CLK3: variants seen among roughly 807,000 people sequenced by gnomAD.
CLK3 encodes CDC like kinase 3.
CLK3 carries 24 observed loss-of-function variants against 65.2 expected under a neutral mutation model. That is an observed-to-expected ratio of 0.37 (90% CI 0.27 to 0.52). The LOEUF (loss-of-function observed/expected upper bound fraction) is 0.52. Among genes scored for constraint, CLK3 ranks in the 20% least tolerant of loss-of-function variants. CLK3 has a pLI of 0.92. For synonymous variants in CLK3, 252 were observed against 240.8 expected, an observed-to-expected ratio of 1.05 and a Z score of -0.43; for missense variants, 506 against 660.0, an observed-to-expected ratio of 0.77 and a Z score of 2.56.
At chr15:74,628,558 C>A (rs2062162316) in intron 10 of CLK3, 46 bp from the exon 11 acceptor site, 2 of 1,381,214 alleles carry the variant, frequency 1.4e-6, no homozygotes, top group South Asian at 1.2e-5. Flanking sequence ...CTTGAAGGGG[C>A]CAGAGCTAGT....
At chr15:74,609,272 C>T (rs2061953914) in intron 1 of CLK3, among the ~76,000 whole-genome samples, 1 of 152,216 alleles carries the variant, frequency 6.6e-6, no homozygotes, top group African/African-American at 2.4e-5. Context: ...GCCTCTCTGA[C>T]CACCCCAGCC....
At chr15:74,616,811 C>T (rs1400744073) in intron 1 of CLK3, among the ~76,000 whole-genome samples, 1 of 152,220 alleles carries the variant, frequency 6.6e-6, no homozygotes. Context: ...TTCTAGTCAG[C>T]CCAGTTCTCT....
Position 74,624,536 on chromosome 15 carries a change from TGGC to T in CLK3, c.534-365_534-363del. ...CAGGAGGGTTCTCGGTGGGACAGCCTGGCCAGGGTTGGGGCTGCCTGGCCTATA... is the reference window on the plus strand; with the variant it reads ...CAGGAGGGTTCTCGGTGGGACAGCCTCAGGGTTGGGGCTGCCTGGCCTATA... On this transcript the variant is annotated intron_variant, in intron 5 of 12. Transcript: ENST00000395066. This position sits in a 1 kb window ranked among gnomAD's most constrained non-coding sequence, Gnocchi z 4.2. 5 of 192,838 alleles carry T rather than the reference TGGC, an allele frequency of 2.6e-5. No homozygotes were observed. Among genetic ancestry groups the T allele is most frequent in the Admixed American group, 6.1e-5 (1 of 16,342 alleles). The allele number at this position is 192,838 out of a possible 1,614,324, so 11.9% of individuals were successfully genotyped here.
At chr15:74,615,064 T>G, upstream of CLK3, 10 of 203,310 alleles carry the variant, frequency 4.9e-5, no homozygotes, top group East Asian at 1.1e-4. Flanking sequence ...GTGTCAGGGA[T>G]TTTGGTGACC....
At position 74,630,126 on chromosome 15, in the gene CLK3, T is replaced by C; in HGVS notation, c.*243T>C. 1 of 460,930 alleles carries C rather than the reference T, an allele frequency of 2.2e-6. No individual in the cohort carries two copies. Among genetic ancestry groups the C allele is most frequent in the African/African-American group, 1.9e-5 (1 of 51,726 alleles). 28.6% of individuals were successfully genotyped at this position (460,930 alleles called of 1,614,324 possible). A position where few individuals can be genotyped will look rare whatever the true frequency, so the allele number is the denominator to read the frequency against. On this transcript the variant is annotated 3_prime_UTR_variant, in exon 13 of 13. Coordinates refer to ENST00000395066, the MANE Select transcript of CLK3 (RefSeq NM_001130028.2). ...GTTTCTTACTGTTTGTAACCCCTGGTACCAGTGTGTCCATCTCCAGGCTCC... is the reference window on the plus strand; with the variant it reads ...GTTTCTTACTGTTTGTAACCCCTGGCACCAGTGTGTCCATCTCCAGGCTCC...
chr15:74,612,116 G>A (rs928562341), upstream of CLK3, among the ~76,000 whole-genome samples: 1 of 152,244 alleles, frequency 6.6e-6, no homozygotes, highest in Non-Finnish European at 1.5e-5. Flanking sequence ...CTCCTGAGGG[G>A]AAATTGGTGC....
chr15:74,622,832 T>A lies in CLK3; in HGVS notation c.533+272T>A, dbSNP rs1358770781. ...TCCAATCTCTTCACTTCTCCAGGGCTGTGGTGGTGGATATCAGAACAGGGC... is the reference window on the plus strand; with the variant it reads ...TCCAATCTCTTCACTTCTCCAGGGCAGTGGTGGTGGATATCAGAACAGGGC... On this transcript the variant is annotated intron_variant, in intron 5 of 12. Coordinates refer to ENST00000395066, the MANE Select transcript of CLK3 (RefSeq NM_001130028.2). The surrounding 1 kb of genome is among the most constrained non-coding windows in gnomAD (Gnocchi z 4.6). Among the ~76,000 whole-genome samples, 2 of 152,308 alleles carry A rather than the reference T, an allele frequency of 1.3e-5. No individual in the cohort carries two copies. The highest frequency in any genetic ancestry group is 2.1e-4 in the South Asian group (1 of 4,828).
At chr15:74,625,172 T>C (rs1168253584) in intron 6 of CLK3, among the ~76,000 whole-genome samples, 154 bp downstream of exon 6, 1 of 152,106 alleles carries the variant, frequency 6.6e-6, no homozygotes, top group Non-Finnish European at 1.5e-5. Flanking sequence ...GCCTTTAGAC[T>C]GCAGTCCAGT....
rs1390935758 is a variant in CLK3, at chr15:74,622,799, G to A, written c.533+239G>A. ...ACCCAAGAATTGTTGGTCAGTGAAA[G>A]GTTCTGCTCCAATCTCTTCACTTCT... On this transcript the variant is annotated intron_variant, in intron 5 of 12. Transcript: ENST00000395066. The surrounding 1 kb of genome is among the most constrained non-coding windows in gnomAD (Gnocchi z 4.6). Among the ~76,000 whole-genome samples the A allele has an allele frequency of 2.6e-5, 4 of 152,172 alleles. No individual in the cohort carries two copies. The highest frequency in any genetic ancestry group is 2.9e-5 in the Non-Finnish European group (2 of 68,026).
rs754927844 is a variant in CLK3, at chr15:74,622,261, C to A, written c.466+45C>A. The A allele has an allele frequency of 3.2e-6, 5 of 1,571,618 alleles. No individual in the cohort carries two copies. The highest frequency in any genetic ancestry group is 1.7e-5 in the Admixed American group (1 of 59,110). On this transcript the variant is annotated intron_variant, in intron 4 of 12. Coordinates refer to ENST00000395066, the MANE Select transcript of CLK3 (RefSeq NM_001130028.2). The surrounding 1 kb of genome is among the most constrained non-coding windows in gnomAD (Gnocchi z 4.6). ...AACTTTACCTCTCTACTTTCTACCC[C>A]CCTTGTTAGACGAGACCTCTCCTGC...
intron 5 of CLK3, among the ~76,000 whole-genome samples, chr15:74,623,334 T>G (rs1749459081): frequency 6.6e-6 from 1 of 152,246 alleles, no homozygotes; most frequent in Admixed American, 6.5e-5. Flanking sequence ...TGGAGCCACA[T>G]GCCACCCATA....
rs370382489 is a variant in CLK3 at position 74,622,262 on chromosome 15, C to A, written c.466+46C>A. The A allele has an allele frequency of 1.3e-6, 2 of 1,565,682 alleles. No homozygotes were observed. Among genetic ancestry groups the A allele is most frequent in the Non-Finnish European group, 1.8e-6 (2 of 1,141,784 alleles). The stretch of plus-strand genomic sequence containing the variant: ...ACTTTACCTCTCTACTTTCTACCCC[C>A]CTTGTTAGACGAGACCTCTCCTGCC... On this transcript the variant is annotated intron_variant, in intron 4 of 12. Transcript: ENST00000395066. This position sits in a 1 kb window ranked among gnomAD's most constrained non-coding sequence, Gnocchi z 4.6.
At position 74,624,801 on chromosome 15, in the gene CLK3, C is replaced by A. The variant is rs907935898; in HGVS notation, c.534-101C>A. 3.4e-5 allele frequency: 28 copies of A among 817,366 alleles called. No homozygotes were observed. Among genetic ancestry groups the A allele is most frequent in the Admixed American group, 1.8e-4 (9 of 49,540 alleles). 50.6% of individuals were successfully genotyped at this position (817,366 alleles called of 1,614,324 possible). On this transcript the variant is annotated intron_variant, in intron 5 of 12. Transcript: ENST00000395066. This position sits in a 1 kb window ranked among gnomAD's most constrained non-coding sequence, Gnocchi z 4.2. ...TCTGCTCTCTTCAGTGCCGGCTGCT[C>A]CTGGAGTGGTGTTTGTTGGGAGTTG...
At position 74,629,093 on chromosome 15, in the gene CLK3, G is replaced by A. The variant is rs755368014; in HGVS notation, c.1296+61G>A. 4 of 1,264,464 alleles carry A rather than the reference G, an allele frequency of 3.2e-6. No individual in the cohort carries two copies. The South Asian group carries it at 3.6e-5, about 11-fold the overall frequency. The allele number at this position is 1,264,464 out of a possible 1,614,324, so 78.3% of individuals were successfully genotyped here. On this transcript the variant is annotated intron_variant, in intron 12 of 12. Transcript: ENST00000395066. ...AAGGAGAGACCCCAGGCACTGGGCA[G>A]ACATACAGCAGAGACAGGCCAGGCC...
Position 74,624,546 on chromosome 15 carries a change from T to TCATTAA in CLK3, c.534-356_534-355insCATTAA. 1.5e-5 allele frequency: 3 copies of TCATTAA among 203,948 alleles called. No homozygotes were observed. Among genetic ancestry groups the TCATTAA allele is most frequent in the Non-Finnish European group, 2.9e-5 (3 of 103,476 alleles). The allele number at this position is 203,948 out of a possible 1,614,324, so 12.6% of individuals were successfully genotyped here. Reference sequence around the variant, plus strand: ...CTCGGTGGGACAGCCTGGCCAGGGTTGGGGCTGCCTGGCCTATAGGTTAGG... The same window carrying TCATTAA: ...CTCGGTGGGACAGCCTGGCCAGGGTTCATTAAGGGGCTGCCTGGCCTATAGGTTAGG... On this transcript the variant is annotated intron_variant, in intron 5 of 12. Coordinates refer to ENST00000395066, the MANE Select transcript of CLK3 (RefSeq NM_001130028.2). This position sits in a 1 kb window ranked among gnomAD's most constrained non-coding sequence, Gnocchi z 4.2.
At chr15:74,616,278 G>A (rs1322934111) in intron 1 of CLK3, among the ~76,000 whole-genome samples, 2 of 152,254 alleles carry the variant, frequency 1.3e-5, no homozygotes, top group Non-Finnish European at 2.9e-5. Flanking sequence ...CTCCCTTGGC[G>A]GCCTGGAGTT....
Position 74,622,410 on chromosome 15 carries a change from T to G in CLK3, c.467-84T>G. 5.9e-6 allele frequency: 7 copies of G among 1,187,096 alleles called. No homozygotes were observed. The highest frequency in any genetic ancestry group is 8.5e-6 in the Non-Finnish European group (7 of 821,930). The allele number at this position is 1,187,096 out of a possible 1,614,324, so 73.5% of individuals were successfully genotyped here. A position where few individuals can be genotyped will look rare whatever the true frequency, so the allele number is the denominator to read the frequency against. ...GTGAGAGAGAAACCTTTTTTGTTTT[T>G]GAGAATTTGAATGCTGTGAACTTGC... On this transcript the variant is annotated intron_variant, in intron 4 of 12. Coordinates refer to ENST00000395066, the MANE Select transcript of CLK3 (RefSeq NM_001130028.2). The surrounding 1 kb of genome is among the most constrained non-coding windows in gnomAD (Gnocchi z 4.6).
At chr15:74,620,508 C>T (rs1277495252) in intron 3 of CLK3, 3 of 538,796 alleles carry the variant, frequency 5.6e-6, no homozygotes, top group Middle Eastern at 4.8e-4. Context: ...CAGACAAAGG[C>T]CACGTGGTGC....
Position 74,619,356 on chromosome 15 carries a change from G to A in CLK3, c.152+8G>A, listed in dbSNP as rs2062083945. ...AAGATCTCGGTCCAGAAGGTGAGAG[G>A]GAACTAGATAGGAGGGAAAGACTCC... On this transcript the variant is annotated splice_region_variant and intron_variant, in intron 2 of 12. Coordinates refer to ENST00000395066, the MANE Select transcript of CLK3 (RefSeq NM_001130028.2). The A allele has an allele frequency of 6.2e-6, 10 of 1,613,906 alleles. No individual in the cohort carries two copies. The highest frequency in any genetic ancestry group is 8.5e-6 in the Non-Finnish European group (10 of 1,179,872).
Sources: gnomAD v4.1 joint callset for allele counts (sites outside exome capture counted in the v4.1 genomes callset) on GRCh38, gnomAD v4.1.1 for gene constraint, Gnocchi (gnomAD v3.1) non-coding constraint, MANE v1.5 for transcripts, NCBI Gene and HGNC (gene_info 2026-07-23, HGNC 2026-07-21) for gene names.